The following EXT1 variants were observed in gnomAD, a reference collection of about 807,000 sequenced individuals.
EXT1 encodes the protein exostosin-1.
A neutral mutation model predicts 82.5 loss-of-function variants in EXT1; 20 were observed. The observed-to-expected ratio is 0.24, with a 90% CI of 0.17 to 0.35. EXT1 has a LOEUF of 0.35. Ranked by LOEUF, EXT1 falls within the 10% of genes least tolerant of loss-of-function variation. The pLI is 1.00. For synonymous variants in EXT1, 348 were observed against 350.8 expected (o/e 0.99, Z 0.09); for missense variants, 757 against 936.5 (o/e 0.81, Z 2.50).
At chr8:118,048,779 G>A (rs1366202997) in intron 1 of EXT1, among the ~76,000 whole-genome samples, 1 of 152,192 alleles carries the variant, frequency 6.6e-6, no homozygotes, top group Non-Finnish European at 1.5e-5. Context: ...GCACTAGATT[G>A]TTCACTGATT....
chr8:117,834,347 G>A lies in EXT1; in HGVS notation c.1164+1097C>T, dbSNP rs564740446. Among the ~76,000 whole-genome samples the A allele has an allele frequency of 1.1e-4, 17 of 152,286 alleles. No individual in the cohort carries two copies. The East Asian group carries it at 3.1e-3, about 28-fold the overall frequency. On this transcript the variant is annotated intron_variant, in intron 3 of 10. Coordinates refer to ENST00000378204, the MANE Select transcript of EXT1 (RefSeq NM_000127.3). ...AGGCCAGGCGCGGTGGCTCACACCT[G>A]TAATTCCAGCACTTTGGGAGGCTGA...
At chr8:117,871,000 C>T (rs1030918440) in intron 1 of EXT1, among the ~76,000 whole-genome samples, 16 of 152,160 alleles carry the variant, frequency 1.1e-4, no homozygotes, top group Admixed American at 2.0e-4. Context: ...AAGAGCAAAT[C>T]TCTAGCCGAT....
rs1026186520 is a variant in EXT1, at chr8:117,835,971, A to G, written c.1057-420T>C. The stretch of plus-strand genomic sequence containing the variant: ...TCCACGTGCAAAGTGGTTTACCCCA[A>G]TGTCATGAGCAACAAAGAGCAGAAT... On this transcript the variant is annotated intron_variant, in intron 2 of 10. Transcript: ENST00000378204. Among the ~76,000 whole-genome samples the G allele has an allele frequency of 1.4e-4, 21 of 152,352 alleles. No individual in the cohort carries two copies. The Middle Eastern group carries it at 0.01, about 74-fold the overall frequency.
At position 117,799,530 on chromosome 8, in the gene EXT1, T is replaced by G. The variant is rs949394800; in HGVS notation, c.*182A>C. ...GTGAGGTGAGTTTGGAGCAGTCTGGTGCAGTCCCAGGAGCCAGGAGTTGAG... is the reference window on the plus strand; with the variant it reads ...GTGAGGTGAGTTTGGAGCAGTCTGGGGCAGTCCCAGGAGCCAGGAGTTGAG... On this transcript the variant is annotated 3_prime_UTR_variant, in exon 11 of 11. Coordinates refer to ENST00000378204, the MANE Select transcript of EXT1 (RefSeq NM_000127.3). 4.0e-5 allele frequency: 26 copies of G among 657,444 alleles called. No individual in the cohort carries two copies. Among genetic ancestry groups the G allele is most frequent in the Non-Finnish European group, 1.3e-5 (5 of 379,470 alleles). The allele number at this position is 657,444 out of a possible 1,614,324, so 40.7% of individuals were successfully genotyped here.
chr8:118,043,605 G>T (rs776949938), intron 1 of EXT1, among the ~76,000 whole-genome samples: 1 of 152,182 alleles, frequency 6.6e-6, no homozygotes, highest in Non-Finnish European at 1.5e-5. Context: ...ACAAAAGATA[G>T]TTGATCACCC....
chr8:117,882,049 C>CA, intron 1 of EXT1, among the ~76,000 whole-genome samples: 1 of 152,262 alleles, frequency 6.6e-6, no homozygotes, highest in African/African-American at 2.4e-5. Context: ...TGTAACCAGA[C>CA]AAAACCAAGT....
Position 117,795,954 on chromosome 8 carries a change from A to G in EXT1, c.*3758T>C, listed in dbSNP as rs1823083424. 6.8e-6 allele frequency: 1 copy of G among 147,920 alleles called. No homozygotes were observed. 9.2% of individuals were successfully genotyped at this position (147,920 alleles called of 1,614,324 possible). ...AACTTTGTCCCTGTAAGCATGCCTG[A>G]GAAAATGAGGCTGATAGTGAAAGAA... On this transcript the variant is annotated 3_prime_UTR_variant, in exon 11 of 11. Coordinates refer to ENST00000378204, the MANE Select transcript of EXT1 (RefSeq NM_000127.3).
chr8:118,040,206 G>A (rs944083187), intron 1 of EXT1, among the ~76,000 whole-genome samples: 14 of 151,956 alleles, frequency 9.2e-5, no homozygotes, highest in South Asian at 2.1e-4. Context: ...TTACCAGTCC[G>A]CAAACCACAG....
At chr8:117,977,145 G>A (rs567954731) in intron 1 of EXT1, among the ~76,000 whole-genome samples, 2 of 152,246 alleles carry the variant, frequency 1.3e-5, no homozygotes, top group African/African-American at 4.8e-5. Flanking sequence ...CCAGCACTTT[G>A]GGAGGCCGAG....
intron 5 of EXT1, among the ~76,000 whole-genome samples, chr8:117,821,274 C>T (rs577899746): frequency 6.6e-6 from 1 of 152,282 alleles, no homozygotes; most frequent in African/African-American, 2.4e-5. Context: ...TTCCCAATAT[C>T]TAGATACATA....
At chr8:117,810,873 G>A (rs1460789137) in intron 8 of EXT1, among the ~76,000 whole-genome samples, 1 of 152,186 alleles carries the variant, frequency 6.6e-6, no homozygotes, top group Non-Finnish European at 1.5e-5. Context: ...AGAGGTCAGT[G>A]TATCTCTTCT....
rs768731740 is a variant in EXT1, at chr8:117,827,784, C to CAAAAAAAAAAAAAAAAA, written c.1284+2429_1284+2445dup. ...TGGGGGACAGGGTGAGACTCTGTCT[C>CAAAAAAAAAAAAAAAAA]AAAAAAAAAAAAAAAAAAAAAAAAA... On this transcript the variant is annotated intron_variant, in intron 4 of 10. Coordinates refer to ENST00000378204, the MANE Select transcript of EXT1 (RefSeq NM_000127.3). Among the ~76,000 whole-genome samples the CAAAAAAAAAAAAAAAAA allele has an allele frequency of 5.4e-4, 29 of 54,134 alleles. 3 individuals carry two copies. The highest frequency in any genetic ancestry group is 2.2e-3 in the African/African-American group (28 of 12,552). 35.5% of individuals were successfully genotyped at this position (54,134 alleles called of 152,430 possible). A position where few individuals can be genotyped will look rare whatever the true frequency, so the allele number is the denominator to read the frequency against.
At chr8:117,920,378 G>A (rs1402667413) in intron 1 of EXT1, among the ~76,000 whole-genome samples, 4 of 152,000 alleles carry the variant, frequency 2.6e-5, no homozygotes, top group South Asian at 2.1e-4. Flanking sequence ...CTGGGATTAC[G>A]GGCATGAGCC....
At chr8:118,029,265 C>CA (rs1376584286) in intron 1 of EXT1, among the ~76,000 whole-genome samples, 1 of 151,952 alleles carries the variant, frequency 6.6e-6, no homozygotes, top group Non-Finnish European at 1.5e-5. Flanking sequence ...CCAGTCTCTA[C>CA]AAAAAATAAA....
intron 1 of EXT1, among the ~76,000 whole-genome samples, chr8:117,967,719 A>C (rs1814851136): frequency 6.6e-6 from 1 of 152,222 alleles, no homozygotes; most frequent in Non-Finnish European, 1.5e-5. Context: ...TAATGATTGC[A>C]CTTGCCACTT....
chr8:118,017,006 G>A (rs1816015756), intron 1 of EXT1, among the ~76,000 whole-genome samples: 1 of 152,186 alleles, frequency 6.6e-6, no homozygotes, highest in Non-Finnish European at 1.5e-5. Context: ...CATGGTACGT[G>A]TATAAAATTT....
chr8:118,074,719 C>T, intron 1 of EXT1, among the ~76,000 whole-genome samples: 1 of 152,138 alleles, frequency 6.6e-6, no homozygotes, highest in East Asian at 1.9e-4. Context: ...GGAGGGAAGG[C>T]TGGGAAAGAG....
intron 1 of EXT1, among the ~76,000 whole-genome samples, chr8:117,892,837 G>C (rs10110167): frequency 1.6e-3 from 244 of 152,330 alleles, no homozygotes; most frequent in Non-Finnish European, 2.4e-3. Context: ...CTGTATATGA[G>C]AGAAAGAAAA....
Position 118,111,194 on chromosome 8 carries a change from G to T in EXT1, c.-148C>A. ...ACCTTCTCTGGATGCCTTTCCCCAA[G>T]CCGTGGACTGATCCAGCGCATGTGG... On this transcript the variant is annotated 5_prime_UTR_variant, in exon 1 of 11. Transcript: ENST00000378204. The T allele has an allele frequency of 8.8e-7, 1 of 1,134,730 alleles. No homozygotes were observed. The highest frequency in any genetic ancestry group is 1.3e-6 in the Non-Finnish European group (1 of 784,730). 70.3% of individuals were successfully genotyped at this position (1,134,730 alleles called of 1,614,324 possible). A position where few individuals can be genotyped will look rare whatever the true frequency, so the allele number is the denominator to read the frequency against.
Sources: gnomAD v4.1 joint callset for allele counts (sites outside exome capture counted in the v4.1 genomes callset) on GRCh38, gnomAD v4.1.1 for gene constraint, MANE v1.5 for transcripts, NCBI Gene and HGNC (gene_info 2026-07-23, HGNC 2026-07-21) for gene names.